The following MAPKAP1 variants were observed in gnomAD, a reference collection of about 807,000 sequenced individuals.
MAPKAP1 encodes target of rapamycin complex 2 subunit MAPKAP1.
Under a neutral mutation model 65.7 loss-of-function variants are expected in MAPKAP1, and 20 were observed. The ratio of observed to expected loss-of-function variants is 0.30; its 90% CI spans 0.21 to 0.44. The LOEUF is 0.44. MAPKAP1 is among the 20% of genes least tolerant of loss of function. MAPKAP1 has a pLI of 1.00. For synonymous variants in MAPKAP1, 222 were observed against 244.3 expected (o/e 0.91, Z 0.85); for missense variants, 423 against 648.0 (o/e 0.65, Z 3.77).
intron 4 of MAPKAP1, chr9:125,652,109 T>A: frequency 7.8e-7 from 1 of 1,281,818 alleles, no homozygotes; most frequent in Non-Finnish European, 1.0e-6. Flanking sequence ...TGATTTCAAT[T>A]CGCTGACCTT....
chr9:125,677,793 C>G (rs761327346), intron 1 of MAPKAP1, among the ~76,000 whole-genome samples: 2 of 152,170 alleles, frequency 1.3e-5, no homozygotes, highest in Non-Finnish European at 2.9e-5. Flanking sequence ...CTTTTCACAG[C>G]TTCTTTCTCA....
At position 125,482,507 on chromosome 9, in the gene MAPKAP1, G is replaced by A. The variant is rs79946177; in HGVS notation, c.1207+1936C>T. Among the ~76,000 whole-genome samples the A allele has an allele frequency of 0.013, 1,957 of 152,246 alleles. 125 individuals are homozygous for A. In the East Asian group the frequency reaches 0.2, roughly 16 times the overall value. On this transcript the variant is annotated intron_variant, in intron 9 of 11. Transcript: ENST00000265960. Reference sequence around the variant, plus strand: ...GAGGAACAACACTGAATGACTTTATGATTTAAGAATCAACACTAAATAAGC... The same window carrying A: ...GAGGAACAACACTGAATGACTTTATAATTTAAGAATCAACACTAAATAAGC...
chr9:125,669,171 C>T (rs938812578), intron 3 of MAPKAP1, among the ~76,000 whole-genome samples: 1 of 145,118 alleles, frequency 6.9e-6, no homozygotes, highest in Non-Finnish European at 1.5e-5. Flanking sequence ...CACAGCAAGA[C>T]TCCGTCTCAA....
At position 125,508,058 on chromosome 9, in the gene MAPKAP1, C is replaced by T. The variant is rs192082483; in HGVS notation, c.959-1641G>A. Among the ~76,000 whole-genome samples, 16 of 151,784 alleles carry T rather than the reference C, an allele frequency of 1.1e-4. No individual in the cohort carries two copies. In the East Asian group the frequency reaches 1.6e-3, roughly 15 times the overall value. ...GTGCGCACCTGTAGTCCCAGCTACT[C>T]GGGAGGCTGAGGCGGGGGGATTGCT... On this transcript the variant is annotated intron_variant, in intron 7 of 11. Transcript: ENST00000265960.
At chr9:125,484,740 G>C (rs1219626549) in intron 8 of MAPKAP1, among the ~76,000 whole-genome samples, 157 bp from the exon 9 acceptor site, 1 of 152,168 alleles carries the variant, frequency 6.6e-6, no homozygotes, top group South Asian at 2.1e-4. Flanking sequence ...CCAGTAAACA[G>C]AGAATGGTAA....
At chr9:125,589,872 G>A (rs927759095) in intron 4 of MAPKAP1, among the ~76,000 whole-genome samples, 3 of 152,262 alleles carry the variant, frequency 2.0e-5, no homozygotes, top group African/African-American at 2.4e-5. Context: ...GCAAACACAC[G>A]TGGGCAAGCA....
chr9:125,536,585 T>TTCATTCATTCATTCATTC (rs1554818636), intron 7 of MAPKAP1, among the ~76,000 whole-genome samples: 41 of 151,730 alleles, frequency 2.7e-4, no homozygotes, highest in Middle Eastern at 3.4e-3. Context: ...ATTTTCCATT[T>TTCATTCATTCATTCATTC]ATTCATTCAT....
At chr9:125,698,336 T>TATAA (rs1835492416) in intron 1 of MAPKAP1, among the ~76,000 whole-genome samples, 2 of 112,602 alleles carry the variant, frequency 1.8e-5, no homozygotes, top group East Asian at 5.4e-4. Flanking sequence ...TATATATATA[T>TATAA]AAAATATATA....
rs137949201 is a variant in MAPKAP1 at position 125,535,309 on chromosome 9, C to T, written c.958+7750G>A. On this transcript the variant is annotated intron_variant, in intron 7 of 11. Transcript: ENST00000265960. ...ACCCCAGAGCATCTTTTCTCAGTCC[C>T]CTACCCAACCCAGTAGTTTCAAGTA... Among the ~76,000 whole-genome samples the T allele has an allele frequency of 4.5e-3, 679 of 152,314 alleles. 6 individuals are homozygous for T. Among genetic ancestry groups the T allele is most frequent in the African/African-American group, 0.015 (635 of 41,574 alleles).
intron 1 of MAPKAP1, among the ~76,000 whole-genome samples, chr9:125,702,039 T>C (rs1356050918): frequency 6.6e-6 from 1 of 152,216 alleles, no homozygotes; most frequent in Non-Finnish European, 1.5e-5. Context: ...CAGCCTAGAA[T>C]TACACTCAGC....
intron 10 of MAPKAP1, among the ~76,000 whole-genome samples, chr9:125,464,432 T>C (rs577335893): frequency 1.4e-4 from 22 of 152,320 alleles, no homozygotes; most frequent in African/African-American, 2.2e-4. Flanking sequence ...AGGGAATCAC[T>C]CATTTGAATA....
intron 4 of MAPKAP1, among the ~76,000 whole-genome samples, chr9:125,610,869 A>G (rs1832579279): frequency 6.6e-6 from 1 of 152,226 alleles, no homozygotes; most frequent in African/African-American, 2.4e-5. Context: ...AAATAATTCC[A>G]ACAGAAAAAT....
chr9:125,666,779 T>TG (rs755762550), intron 3 of MAPKAP1, among the ~76,000 whole-genome samples: 29 of 152,352 alleles, frequency 1.9e-4, no homozygotes, highest in Admixed American at 1.1e-3. Context: ...AGATGTTTAG[T>TG]GGACTGCTGA....
chr9:125,597,706 C>A (rs73667021), intron 4 of MAPKAP1, among the ~76,000 whole-genome samples: 1 of 152,148 alleles, frequency 6.6e-6, no homozygotes, highest in African/African-American at 2.4e-5. Context: ...CAGATCATTA[C>A]GTGTAATTTT....
intron 9 of MAPKAP1, chr9:125,471,311 G>A (rs1853913779): frequency 1.3e-5 from 2 of 152,610 alleles, no homozygotes; most frequent in Admixed American, 6.5e-5. Flanking sequence ...TGGCTTCGGA[G>A]CCCTCGGTAG....
chr9:125,660,597 T>C (rs1834155927), intron 3 of MAPKAP1, among the ~76,000 whole-genome samples: 1 of 152,208 alleles, frequency 6.6e-6, no homozygotes, highest in African/African-American at 2.4e-5. Context: ...AAGTGTTACC[T>C]ATCCATAACC....
intron 5 of MAPKAP1, chr9:125,572,789 T>C (rs1381460305): frequency 6.6e-6 from 1 of 152,232 alleles, no homozygotes; most frequent in Non-Finnish European, 1.5e-5. Context: ...ACTTTACTTA[T>C]TTTGCTTTAC....
At chr9:125,553,963 G>T (rs1298838793) in intron 6 of MAPKAP1, among the ~76,000 whole-genome samples, 2 of 151,908 alleles carry the variant, frequency 1.3e-5, no homozygotes, top group African/African-American at 4.8e-5. Context: ...CTCGAGCCTG[G>T]GAGGCAGAGG....
chr9:125,470,827 T>A (rs1252468540), intron 9 of MAPKAP1, among the ~76,000 whole-genome samples: 1 of 151,952 alleles, frequency 6.6e-6, no homozygotes, highest in Non-Finnish European at 1.5e-5. Flanking sequence ...TGAATCAGAT[T>A]TTTTTTTTCT....
Sources: allele counts gnomAD v4.1 joint callset (sites outside exome capture counted in the v4.1 genomes callset), GRCh38; gene constraint gnomAD v4.1.1; transcripts MANE v1.5; gene names NCBI Gene and HGNC (gene_info 2026-07-23, HGNC 2026-07-21).